The following CDKN2B-AS1 variants were observed in gnomAD, a reference collection of about 807,000 sequenced individuals.
CDKN2B-AS1 encodes CDKN2B and CDKN2A antisense cis and trans regulatory RNA 1, also known as CDKN2B antisense RNA 1 (non-protein coding).
chr9:22,023,990 G>A (rs1412596364), intron 1 of CDKN2B-AS1, among the ~76,000 whole-genome samples: 2 of 152,218 alleles, frequency 1.3e-5, no homozygotes, highest in Admixed American at 1.3e-4. Context: ...GAGAGGTGAT[G>A]TGGTCCTTTG....
intron 1 of CDKN2B-AS1, among the ~76,000 whole-genome samples, chr9:22,009,959 T>C (rs1821414931): frequency 6.6e-6 from 1 of 152,034 alleles, no homozygotes; most frequent in Admixed American, 6.5e-5. Flanking sequence ...TAGTTCGAGA[T>C]TGAGAGTGGC....
chr9:22,087,697 TC>T (rs1824912001), intron 4 of CDKN2B-AS1, among the ~76,000 whole-genome samples: 1 of 152,228 alleles, frequency 6.6e-6, no homozygotes. Flanking sequence ...GCATACCACT[TC>T]TTTGATTTTG....
intron 4 of CDKN2B-AS1, among the ~76,000 whole-genome samples, chr9:22,116,502 G>A (rs1404012376): frequency 6.6e-6 from 1 of 152,210 alleles, no homozygotes; most frequent in African/African-American, 2.4e-5. Flanking sequence ...TGAAAATCGA[G>A]CAGGAAGGAA....
intron 4 of CDKN2B-AS1, among the ~76,000 whole-genome samples, chr9:22,104,700 T>C (rs1355111060): frequency 6.6e-6 from 1 of 152,242 alleles, no homozygotes; most frequent in African/African-American, 2.4e-5. Flanking sequence ...TGTTTTTTGT[T>C]CATTTACTTA....
chr9:22,098,234 G>A (rs1448477151), intron 4 of CDKN2B-AS1, among the ~76,000 whole-genome samples: 2 of 151,182 alleles, frequency 1.3e-5, no homozygotes, highest in East Asian at 3.9e-4. Flanking sequence ...ATTTATATAT[G>A]TGTGTGTATA....
chr9:22,019,351 G>A (rs1225815066), intron 1 of CDKN2B-AS1, among the ~76,000 whole-genome samples: 1 of 152,188 alleles, frequency 6.6e-6, no homozygotes, highest in Non-Finnish European at 1.5e-5. Context: ...TAGTTCAGAG[G>A]ATAGGTTATG....
intron 4 of CDKN2B-AS1, among the ~76,000 whole-genome samples, chr9:22,062,186 A>G (rs1823849713): frequency 6.6e-6 from 1 of 152,198 alleles, no homozygotes; most frequent in Non-Finnish European, 1.5e-5. Context: ...TCAGTTCTAG[A>G]GCTAGTTCAA....
intron 3 of CDKN2B-AS1, among the ~76,000 whole-genome samples, chr9:22,049,556 C>T (rs10757266): frequency 0.5 from 76,067 of 151,836 alleles, 19,614 homozygotes; most frequent in East Asian, 0.7. Flanking sequence ...AGGGACTGGC[C>T]CACACACCAG....
intron 1 of CDKN2B-AS1, among the ~76,000 whole-genome samples, chr9:22,033,380 A>T (rs538837316): frequency 6.6e-6 from 1 of 152,148 alleles, no homozygotes; most frequent in African/African-American, 2.4e-5. Flanking sequence ...ACGAATTTGA[A>T]TCACAATTTC....
In CDKN2B-AS1 at chr9:21,996,365, C is replaced by A. The variant is rs114034000; in HGVS notation, n.29+1204C>A. Among the ~76,000 whole-genome samples the A allele has an allele frequency of 6.6e-6, 1 of 152,176 alleles. No homozygotes were observed. The highest frequency in any genetic ancestry group is 2.1e-4 in the South Asian group (1 of 4,830). ...TAGATTTCACTCAGAATTTACCCAACACCGTGCTTTGTGCTGGGGCCACAT... is the reference window on the plus strand; with the variant it reads ...TAGATTTCACTCAGAATTTACCCAAAACCGTGCTTTGTGCTGGGGCCACAT... On this transcript the variant is annotated intron_variant and non_coding_transcript_variant, in intron 1 of 4. Coordinates refer to ENST00000650946, the Ensembl canonical transcript of CDKN2B-AS1. The surrounding 1 kb of genome is among the most constrained non-coding windows in gnomAD (Gnocchi z 5.4).
chr9:22,067,823 A>C (rs1326742744), intron 4 of CDKN2B-AS1, among the ~76,000 whole-genome samples: 1 of 152,224 alleles, frequency 6.6e-6, no homozygotes, highest in Non-Finnish European at 1.5e-5. Flanking sequence ...TTTGAAGGCA[A>C]TCTGTACGTT....
intron 4 of CDKN2B-AS1, among the ~76,000 whole-genome samples, chr9:22,103,236 C>G (rs1254422752): frequency 6.6e-6 from 1 of 150,490 alleles, no homozygotes; most frequent in African/African-American, 2.4e-5. Context: ...CCCACATATC[C>G]CAACTATGAC....
At chr9:22,008,304 TGAG>T (rs1360169737) in intron 1 of CDKN2B-AS1, among the ~76,000 whole-genome samples, 1 of 152,232 alleles carries the variant, frequency 6.6e-6, no homozygotes. Context: ...GTACTGTGGT[TGAG>T]GAATCCCGTC....
Position 22,059,055 on chromosome 9 carries a change from G to T in CDKN2B-AS1, n.438+2668G>T, listed in dbSNP as rs117761422. On this transcript the variant is annotated intron_variant and non_coding_transcript_variant, in intron 4 of 4. Transcript: ENST00000650946. The stretch of plus-strand genomic sequence containing the variant: ...GGAATTCTGGGAGAAACAATTCAAG[G>T]TGAGATTTGGTGGGGATGCAGCCAA... The T allele has an allele frequency of 8.1e-3, 1,238 of 152,574 alleles. 83 individuals are homozygous for T. In the East Asian group the frequency reaches 0.17, roughly 21 times the overall value. The allele number at this position is 152,574 out of a possible 1,614,324, so 9.5% of individuals were successfully genotyped here.
intron 1 of CDKN2B-AS1, chr9:22,003,594 G>A (rs952218359): frequency 1.7e-5 from 4 of 228,714 alleles, no homozygotes; most frequent in Non-Finnish European, 3.5e-5. Flanking sequence ...TCTAATAATT[G>A]TAAAATACTG....
intron 4 of CDKN2B-AS1, among the ~76,000 whole-genome samples, chr9:22,090,831 T>C (rs1011752448): frequency 6.6e-6 from 1 of 152,192 alleles, no homozygotes; most frequent in African/African-American, 2.4e-5. Flanking sequence ...TTTAGTTTAA[T>C]TAGATCCCAT....
At position 22,006,476 on chromosome 9, in the gene CDKN2B-AS1, C is replaced by T. The variant is rs1392936042; in HGVS notation, n.29+11315C>T. 6.6e-6 allele frequency among the ~76,000 whole-genome samples: 1 copy of T among 152,210 alleles called. No individual in the cohort carries two copies. The highest frequency in any genetic ancestry group is 6.5e-5 in the Admixed American group (1 of 15,284). On this transcript the variant is annotated intron_variant and non_coding_transcript_variant, in intron 1 of 4. Coordinates refer to ENST00000650946, the Ensembl canonical transcript of CDKN2B-AS1. This position sits in a 1 kb window ranked among gnomAD's most constrained non-coding sequence, Gnocchi z 6.4. ...AGTACAAATTAAATGCCATTTTATT[C>T]TCTAAACGTGCAGAGACAAGAAAGT...
At chr9:22,063,041 T>C (rs186267710) in intron 4 of CDKN2B-AS1, among the ~76,000 whole-genome samples, 3 of 151,422 alleles carry the variant, frequency 2.0e-5, no homozygotes, top group Admixed American at 2.0e-4. Flanking sequence ...ATTTTGGATA[T>C]ATGGTTTCAA....
chr9:22,083,024 C>G (rs1824750732), intron 4 of CDKN2B-AS1, among the ~76,000 whole-genome samples: 1 of 152,086 alleles, frequency 6.6e-6, no homozygotes, highest in Non-Finnish European at 1.5e-5. Flanking sequence ...GGACATGTAA[C>G]ATGAATTACA....
Sources: allele counts gnomAD v4.1 joint callset (sites outside exome capture counted in the v4.1 genomes callset), GRCh38; gene constraint gnomAD v4.1.1; non-coding constraint Gnocchi (gnomAD v3.1); transcripts MANE v1.5; gene names NCBI Gene and HGNC (gene_info 2026-07-23, HGNC 2026-07-21).